ARMH3: variants seen among roughly 807,000 people sequenced by gnomAD.
ARMH3 encodes the protein armadillo like helical domain containing 3.
A neutral mutation model predicts 99.1 loss-of-function variants in ARMH3; 60 were observed. The observed-to-expected ratio is 0.61, with a 90% CI of 0.49 to 0.75. The LOEUF (loss-of-function observed/expected upper bound fraction) is 0.75, where lower values mean the gene tolerates loss of function less well. Among genes scored for constraint, ARMH3 ranks in the 30% least tolerant of loss-of-function variants. The pLI is 0.00. For synonymous variants in ARMH3, 285 were observed against 292.8 expected, an observed-to-expected ratio of 0.97 and a Z score of 0.27; for missense variants, 679 against 843.1, an observed-to-expected ratio of 0.81 and a Z score of 2.41.
chr10:101,962,462 C>T (rs1460110309), intron 20 of ARMH3, among the ~76,000 whole-genome samples: 1 of 151,876 alleles, frequency 6.6e-6, no homozygotes, highest in Non-Finnish European at 1.5e-5. Flanking sequence ...CTACAGAAAT[C>T]ACCTTCCTCA....
intron 24 of ARMH3, among the ~76,000 whole-genome samples, chr10:101,862,133 A>G (rs71471221): frequency 6.6e-6 from 1 of 151,808 alleles, no homozygotes; most frequent in Admixed American, 6.6e-5. Context: ...AATAAAGAGC[A>G]CTAGAAATAG....
At chr10:101,997,590 C>CAA (rs59674976) in intron 15 of ARMH3, among the ~76,000 whole-genome samples, 3 of 112,890 alleles carry the variant, frequency 2.7e-5, no homozygotes, top group Non-Finnish European at 3.7e-5. Context: ...GACTCCGTCT[C>CAA]AAAAAAAAAA....
At chr10:101,943,318 G>A (rs117366159) in intron 22 of ARMH3, among the ~76,000 whole-genome samples, 144 of 152,282 alleles carry the variant, frequency 9.5e-4, no homozygotes, top group Non-Finnish European at 1.8e-3. Context: ...AAACTGAGGA[G>A]CTCACGGCAC....
intron 19 of ARMH3, among the ~76,000 whole-genome samples, chr10:101,987,916 C>T (rs1467645371): frequency 5.3e-5 from 8 of 152,056 alleles, no homozygotes. Flanking sequence ...TAATTCTTTG[C>T]CACTTCTGCA....
intron 14 of ARMH3, among the ~76,000 whole-genome samples, chr10:102,003,172 T>A (rs2066406361): frequency 6.7e-6 from 1 of 150,272 alleles, no homozygotes; most frequent in Non-Finnish European, 1.5e-5. Context: ...CAGTATTTTC[T>A]TTTTTTTTGA....
intron 8 of ARMH3, among the ~76,000 whole-genome samples, chr10:102,021,823 G>A (rs1354219190): frequency 6.6e-6 from 1 of 152,102 alleles, no homozygotes; most frequent in African/African-American, 2.4e-5. Flanking sequence ...TGGGATTACA[G>A]GCATAAGCCA....
chr10:101,996,517 T>C (rs926803684), intron 15 of ARMH3, among the ~76,000 whole-genome samples: 4 of 152,172 alleles, frequency 2.6e-5, no homozygotes, highest in African/African-American at 7.2e-5. Flanking sequence ...AGCCCCGATA[T>C]AGCCAAAGAG....
chr10:101,988,167 T>C (rs1174706818), intron 19 of ARMH3, among the ~76,000 whole-genome samples: 2 of 152,214 alleles, frequency 1.3e-5, no homozygotes, highest in Non-Finnish European at 2.9e-5. Flanking sequence ...CCTGGGAATG[T>C]AACAGTTCAG....
At chr10:102,048,340 G>C (rs927697007) in intron 1 of ARMH3, among the ~76,000 whole-genome samples, 8 of 152,312 alleles carry the variant, frequency 5.3e-5, no homozygotes, top group Middle Eastern at 3.4e-3. Context: ...GTAGCTATCT[G>C]TCCAAGAGTT....
At chr10:102,015,391 A>ATTT (rs58969567) in intron 8 of ARMH3, among the ~76,000 whole-genome samples, 15 of 141,982 alleles carry the variant, frequency 1.1e-4, no homozygotes, top group African/African-American at 3.4e-4. Context: ...AGGTTTTGGG[A>ATTT]TTTTTTTTTT....
Position 101,946,071 on chromosome 10 carries a change from C to CA in ARMH3, c.1706-6134dup, listed in dbSNP as rs569179050. Among the ~76,000 whole-genome samples, 108 of 34,484 alleles carry CA rather than the reference C, an allele frequency of 3.1e-3. 17 individuals are homozygous for CA. The highest frequency in any genetic ancestry group is 8.0e-3 in the Admixed American group (17 of 2,120). 22.6% of individuals were successfully genotyped at this position (34,484 alleles called of 152,430 possible). On this transcript the variant is annotated intron_variant, in intron 22 of 25. Transcript: ENST00000370033. Reference sequence around the variant, plus strand: ...TGGGCGACAGAGTAAGACTCTGCCTCAAAAAAAAAAAAAAAAAAAAAAAAA... The same window carrying CA: ...TGGGCGACAGAGTAAGACTCTGCCTCAAAAAAAAAAAAAAAAAAAAAAAAAA...
At chr10:101,962,992 C>T (rs1845367390) in intron 20 of ARMH3, among the ~76,000 whole-genome samples, 1 of 139,928 alleles carries the variant, frequency 7.1e-6, no homozygotes, top group Non-Finnish European at 1.5e-5. Flanking sequence ...TTTTTTGAGA[C>T]AGAGCTCAAC....
intron 1 of ARMH3, among the ~76,000 whole-genome samples, chr10:102,041,473 ACTAT>A (rs1279461251): frequency 6.6e-6 from 1 of 152,284 alleles, no homozygotes; most frequent in Non-Finnish European, 1.5e-5. Context: ...GAAAATGTGC[ACTAT>A]CTTTCTGATC....
chr10:102,000,184 G>T (rs540458553), intron 15 of ARMH3, among the ~76,000 whole-genome samples: 1 of 152,180 alleles, frequency 6.6e-6, no homozygotes, highest in East Asian at 1.9e-4. Context: ...AAATGTTCAT[G>T]AGTATATAGG....
intron 2 of ARMH3, among the ~76,000 whole-genome samples, chr10:102,038,986 C>A (rs367639554): frequency 2.6e-5 from 4 of 152,092 alleles, no homozygotes; most frequent in Non-Finnish European, 5.9e-5. Context: ...AAGAGATCCA[C>A]CCACTCAGCC....
At chr10:101,964,569 A>C (rs1051382215) in intron 20 of ARMH3, among the ~76,000 whole-genome samples, 2 of 152,246 alleles carry the variant, frequency 1.3e-5, no homozygotes, top group African/African-American at 4.8e-5. Context: ...GAAAATTCTG[A>C]CAACATAGAT....
At chr10:101,993,769 G>C (rs1590151194) in intron 16 of ARMH3, among the ~76,000 whole-genome samples, 166 bp from the exon 17 acceptor site, 1 of 152,294 alleles carries the variant, frequency 6.6e-6, no homozygotes, top group East Asian at 1.9e-4. Flanking sequence ...CTTAAGCCAT[G>C]AGATTTTTCT....
chr10:101,975,323 T>A, intron 19 of ARMH3, 23 bp from the exon 20 acceptor site: 1 of 1,593,062 alleles, frequency 6.3e-7, no homozygotes, highest in Non-Finnish European at 8.6e-7. Flanking sequence ...AAGCAAAAAA[T>A]GAGGGTAAGC....
At chr10:101,976,059 G>A (rs1252493769) in intron 19 of ARMH3, among the ~76,000 whole-genome samples, 2 of 126,312 alleles carry the variant, frequency 1.6e-5, no homozygotes, top group East Asian at 4.6e-4. Flanking sequence ...GGGGAGGGCA[G>A]GGGGGTGGCT....
Sources: allele counts gnomAD v4.1 joint callset (sites outside exome capture counted in the v4.1 genomes callset), GRCh38; gene constraint gnomAD v4.1.1; transcripts MANE v1.5; gene names NCBI Gene and HGNC (gene_info 2026-07-23, HGNC 2026-07-21).